The following SPATA13 variants were observed in gnomAD, a reference collection of about 807,000 sequenced individuals.
SPATA13 encodes spermatogenesis associated 13.
Under a neutral mutation model 104.0 loss-of-function variants are expected in SPATA13, and 50 were observed. The ratio of observed to expected loss-of-function variants is 0.48; its 90% CI spans 0.38 to 0.61. The LOEUF is 0.61. SPATA13 is among the 20% of genes least tolerant of loss of function. The pLI is 0.00. For missense variants in SPATA13, 1,524 were observed against 1,690.6 expected (o/e 0.90, Z 1.73); for synonymous variants, 606 against 667.5 (o/e 0.91, Z 1.42).
intron 3 of SPATA13, among the ~76,000 whole-genome samples, chr13:24,146,550 C>T (rs1881938670): frequency 6.6e-6 from 1 of 152,102 alleles, no homozygotes; most frequent in African/African-American, 2.4e-5. Flanking sequence ...AATACATAAA[C>T]CTGTATGATA....
intron 3 of SPATA13, among the ~76,000 whole-genome samples, chr13:24,097,826 C>A (rs1317124038): frequency 2.0e-5 from 3 of 152,170 alleles, no homozygotes; most frequent in Non-Finnish European, 2.9e-5. Flanking sequence ...ACTGTACAAT[C>A]CAAACGCAGG....
chr13:24,192,115 C>T (rs1869793413), intron 1 of SPATA13, among the ~76,000 whole-genome samples: 1 of 152,134 alleles, frequency 6.6e-6, no homozygotes, highest in Non-Finnish European at 1.5e-5. Context: ...ACCCTGGTTC[C>T]CCCAGTCCAT....
chr13:24,173,153 C>T (rs1883052743), intron 1 of SPATA13, among the ~76,000 whole-genome samples: 1 of 152,190 alleles, frequency 6.6e-6, no homozygotes, highest in South Asian at 2.1e-4. Flanking sequence ...TCTTGGCTCA[C>T]TGCACCCTCC....
intron 4 of SPATA13, among the ~76,000 whole-genome samples, chr13:24,282,043 C>T (rs1392254270): frequency 6.6e-6 from 1 of 152,056 alleles, no homozygotes; most frequent in Non-Finnish European, 1.5e-5. Flanking sequence ...TATCATTGTT[C>T]TAGTGCCAGA....
chr13:24,223,637 G>C lies in SPATA13; in HGVS notation c.708G>C (p.Glu236Asp), dbSNP rs1421760867. 15 of 1,552,058 alleles carry C rather than the reference G, an allele frequency of 9.7e-6. No individual in the cohort carries two copies. Among genetic ancestry groups the C allele is most frequent in the Admixed American group, 2.0e-5 (1 of 51,018 alleles). ...IATGQVPAVCEILVRDPENNS... is the reference protein window; with the variant it reads ...IATGQVPAVCDILVRDPENNS... The stretch of plus-strand genomic sequence containing the variant: ...CTGGCCAGGTGCCCGCCGTGTGTGA[G>C]ATTCTCGTGAGGGACCCTGAAAACA... The change falls in exon 2 of 13, where the codon GAG becomes GAC. Residue 236 changes from glutamate (E) to aspartate (D), a missense_variant. Transcript: ENST00000382108.
At chr13:24,049,839 C>T (rs188375421) in intron 3 of SPATA13, among the ~76,000 whole-genome samples, 5 of 152,090 alleles carry the variant, frequency 3.3e-5, no homozygotes, top group East Asian at 1.9e-4. Flanking sequence ...AGAGGGAAAT[C>T]GGATTCTTTC....
intron 2 of SPATA13, among the ~76,000 whole-genome samples, chr13:24,245,803 G>C (rs1161594786): frequency 6.6e-6 from 1 of 151,622 alleles, no homozygotes; most frequent in African/African-American, 2.4e-5. Context: ...TGCCCACGCT[G>C]GTCTTGAATT....
intron 1 of SPATA13, among the ~76,000 whole-genome samples, chr13:24,169,842 T>G (rs1266004145): frequency 2.0e-5 from 3 of 152,214 alleles, no homozygotes; most frequent in Non-Finnish European, 4.4e-5. Flanking sequence ...GCCTGGCTGC[T>G]CTGCCTGCAG....
intron 2 of SPATA13, among the ~76,000 whole-genome samples, chr13:24,235,934 A>G (rs1329149404): frequency 2.0e-5 from 3 of 152,232 alleles, no homozygotes; most frequent in Non-Finnish European, 2.9e-5. Context: ...TTTTCAGTGG[A>G]TGAAGTTCCA....
intron 3 of SPATA13, among the ~76,000 whole-genome samples, chr13:24,138,319 A>ACAAAC (rs369161699): frequency 1.3e-5 from 2 of 150,136 alleles, no homozygotes; most frequent in Non-Finnish European, 1.5e-5. Flanking sequence ...AAAAAAAAAA[A>ACAAAC]AACAGTTTTA....
At chr13:24,165,468 G>A (rs767088960) in intron 1 of SPATA13, among the ~76,000 whole-genome samples, 1 of 152,168 alleles carries the variant, frequency 6.6e-6, no homozygotes, top group Non-Finnish European at 1.5e-5. Context: ...GCACAGGTCC[G>A]AAATGGCCAG....
At chr13:24,237,494 C>T (rs1050183838) in intron 2 of SPATA13, among the ~76,000 whole-genome samples, 1 of 152,140 alleles carries the variant, frequency 6.6e-6, no homozygotes, top group Non-Finnish European at 1.5e-5. Flanking sequence ...GTAGAGTAGT[C>T]AAATTCATAG....
At chr13:24,059,000 C>T (rs1201035248) in intron 3 of SPATA13, among the ~76,000 whole-genome samples, 1 of 151,616 alleles carries the variant, frequency 6.6e-6, no homozygotes, top group Non-Finnish European at 1.5e-5. Context: ...GAGACGGAGT[C>T]TTGCTCTGTC....
rs17079751 is a variant in SPATA13, at chr13:24,017,165, A to G, written c.-146-502A>G. 8.9e-3 allele frequency among the ~76,000 whole-genome samples: 1,357 copies of G among 152,310 alleles called. 25 individuals are homozygous for G. Among genetic ancestry groups the G allele is most frequent in the East Asian group, 0.078 (404 of 5,170 alleles). Reference sequence around the variant, plus strand: ...GAGCACTCCTGAGTTACGAATAGAGAACAAATCGCCAAAATAACAGCATGC... The same window carrying G: ...GAGCACTCCTGAGTTACGAATAGAGGACAAATCGCCAAAATAACAGCATGC... On this transcript the variant is annotated intron_variant, in intron 2 of 14. Transcript: ENST00000424834.
intron 2 of SPATA13, among the ~76,000 whole-genome samples, chr13:24,225,741 C>A (rs1377363670): frequency 1.1e-4 from 17 of 152,060 alleles, no homozygotes; most frequent in Non-Finnish European, 2.5e-4. Flanking sequence ...AGGTTTGGGC[C>A]CCCAGAAGGG....
intron 3 of SPATA13, among the ~76,000 whole-genome samples, chr13:24,057,053 C>G (rs946577621): frequency 7.0e-6 from 1 of 142,084 alleles, no homozygotes; most frequent in Non-Finnish European, 1.5e-5. Context: ...GCGTCTGGCT[C>G]TTTCTTTTTT....
chr13:24,073,651 C>T (rs1879237405), intron 3 of SPATA13, among the ~76,000 whole-genome samples: 1 of 152,252 alleles, frequency 6.6e-6, no homozygotes, highest in African/African-American at 2.4e-5. Context: ...GCATGGTTTT[C>T]TCATCAGGCC....
At chr13:24,040,647 T>C (rs568624127) in intron 3 of SPATA13, among the ~76,000 whole-genome samples, 1 of 152,108 alleles carries the variant, frequency 6.6e-6, no homozygotes, top group Non-Finnish European at 1.5e-5. Context: ...AGTTCAGTTT[T>C]AATGAGGAGA....
chr13:24,260,915 T>C (rs1308719650), intron 4 of SPATA13, among the ~76,000 whole-genome samples: 1 of 152,224 alleles, frequency 6.6e-6, no homozygotes, highest in East Asian at 1.9e-4. Context: ...CCTTAAGTTA[T>C]GTTCATGGCA....
Sources: gnomAD v4.1 joint callset for allele counts (sites outside exome capture counted in the v4.1 genomes callset) on GRCh38, gnomAD v4.1.1 for gene constraint, MANE v1.5 for transcripts, NCBI Gene and HGNC (gene_info 2026-07-23, HGNC 2026-07-21) for gene names.